The following CFAP54 variants were observed in gnomAD, a reference collection of about 807,000 sequenced individuals.
CFAP54 encodes the protein cilia- and flagella-associated protein 54.
In CFAP54, 290 loss-of-function variants were observed where a neutral mutation model predicts 370.4. That is an observed-to-expected ratio of 0.78 (90% CI 0.71 to 0.86). CFAP54 has a LOEUF of 0.86. CFAP54 is among the 40% of genes least tolerant of loss of function. The pLI, the probability that CFAP54 is intolerant of heterozygous loss-of-function variation, is 0.00. For missense variants in CFAP54, 3,399 were observed against 3,528.7 expected (o/e 0.96, Z 0.93); for synonymous variants, 1,206 against 1,236.5 (o/e 0.98, Z 0.52).
chr12:96,763,753 T>C (rs544619051), intron 58 of CFAP54, among the ~76,000 whole-genome samples: 54 of 152,334 alleles, frequency 3.5e-4, no homozygotes, highest in Non-Finnish European at 5.9e-5. Flanking sequence ...CACTCCAGCC[T>C]GTGTGACAGA....
At chr12:96,770,655 A>G (rs1342816050) in intron 60 of CFAP54, among the ~76,000 whole-genome samples, 1 of 152,258 alleles carries the variant, frequency 6.6e-6, no homozygotes, top group Non-Finnish European at 1.5e-5. Flanking sequence ...GCTATGACTC[A>G]GGAAGTGCCA....
intron 26 of CFAP54, among the ~76,000 whole-genome samples, chr12:96,602,779 C>G (rs573559867): frequency 6.6e-6 from 1 of 151,980 alleles, no homozygotes; most frequent in East Asian, 1.9e-4. Flanking sequence ...GGATTGCAAC[C>G]CCTGCTTTTT....
At chr12:96,535,634 G>C (rs1040597489) in intron 12 of CFAP54, 34 bp downstream of exon 12, 20 of 1,417,346 alleles carry the variant, frequency 1.4e-5, no homozygotes, top group Non-Finnish European at 1.8e-5. Flanking sequence ...TTTTATTAGT[G>C]TGGAAGGAGG....
At chr12:96,571,921 A>G (rs1383678888) in intron 19 of CFAP54, among the ~76,000 whole-genome samples, 1 of 152,178 alleles carries the variant, frequency 6.6e-6, no homozygotes, top group Non-Finnish European at 1.5e-5. Flanking sequence ...ATTTACCTAA[A>G]TCAAGGGCTT....
chr12:96,795,711 G>A (rs540864140), intron 63 of CFAP54, among the ~76,000 whole-genome samples: 4 of 152,072 alleles, frequency 2.6e-5, no homozygotes, highest in Admixed American at 1.3e-4. Flanking sequence ...AAGCCTCCCC[G>A]CTAAGAAAAA....
chr12:96,699,272 T>C (rs1957467420), intron 45 of CFAP54, among the ~76,000 whole-genome samples: 1 of 152,210 alleles, frequency 6.6e-6, no homozygotes, highest in Admixed American at 6.5e-5. Flanking sequence ...GGGAGTAACC[T>C]CTGGTCCTTT....
At chr12:96,777,643 C>G (rs796095806) in intron 60 of CFAP54, among the ~76,000 whole-genome samples, 11 of 152,324 alleles carry the variant, frequency 7.2e-5, no homozygotes, top group African/African-American at 2.6e-4. Flanking sequence ...GCCACTGCGC[C>G]TGGCCCATCA....
intron 14 of CFAP54, among the ~76,000 whole-genome samples, chr12:96,541,710 A>T (rs1955575492): frequency 6.6e-6 from 1 of 152,186 alleles, no homozygotes; most frequent in Non-Finnish European, 1.5e-5. Flanking sequence ...ATCATCTGAC[A>T]CAGCGCAGGA....
intron 64 of CFAP54, among the ~76,000 whole-genome samples, chr12:96,813,807 C>T (rs748073701): frequency 6.6e-6 from 1 of 152,126 alleles, no homozygotes; most frequent in Non-Finnish European, 1.5e-5. Context: ...GGAGCCCAGA[C>T]GGGATGGTAG....
intron 17 of CFAP54, among the ~76,000 whole-genome samples, chr12:96,561,017 A>C (rs773148230): frequency 6.6e-6 from 1 of 152,124 alleles, no homozygotes; most frequent in Non-Finnish European, 1.5e-5. Context: ...CTTTTTTACT[A>C]ATCTTTTAAA....
chr12:96,697,684 A>G (rs1392754410), intron 45 of CFAP54, among the ~76,000 whole-genome samples: 1 of 152,072 alleles, frequency 6.6e-6, no homozygotes, highest in Non-Finnish European at 1.5e-5. Context: ...TTCTTTTCCT[A>G]TGTTATGTAT....
intron 66 of CFAP54, among the ~76,000 whole-genome samples, chr12:96,835,821 C>G (rs2078114638): frequency 6.6e-6 from 1 of 152,276 alleles, no homozygotes; most frequent in African/African-American, 2.4e-5. Context: ...GGGGCTCCCA[C>G]TAGCTCCATG....
intron 1 of CFAP54, among the ~76,000 whole-genome samples, chr12:96,492,453 C>A (rs1412738210): frequency 2.0e-5 from 3 of 152,180 alleles, no homozygotes; most frequent in Admixed American, 1.3e-4. Context: ...AATCTGGCTC[C>A]TTTTTTCAGG....
chr12:96,638,205 ATG>A (rs756775917), intron 32 of CFAP54, among the ~76,000 whole-genome samples: 3,217 of 122,430 alleles, frequency 0.026, 96 homozygotes, highest in African/African-American at 0.068. Context: ...ATATATATGC[ATG>A]TGTGTGTGTG....
chr12:96,644,479 C>A, intron 33 of CFAP54, 71 bp downstream of exon 33: 1 of 1,083,542 alleles, frequency 9.2e-7, no homozygotes, highest in Non-Finnish European at 1.3e-6. Flanking sequence ...ATGTTCAGAG[C>A]TCCAATGGTG....
chr12:96,697,813 T>TA (rs1957452120), intron 45 of CFAP54, among the ~76,000 whole-genome samples: 1 of 152,208 alleles, frequency 6.6e-6, no homozygotes, highest in Non-Finnish European at 1.5e-5. Flanking sequence ...CTGTCCTGTT[T>TA]AAAACTCTCC....
At chr12:96,826,005 A>G (rs1176612540) in intron 65 of CFAP54, among the ~76,000 whole-genome samples, 4 of 144,198 alleles carry the variant, frequency 2.8e-5, no homozygotes, top group African/African-American at 1.0e-4. Flanking sequence ...ATAACAATAT[A>G]TTAATATAGA....
chr12:96,610,583 G>A (rs1956347637), intron 26 of CFAP54, among the ~76,000 whole-genome samples: 1 of 152,194 alleles, frequency 6.6e-6, no homozygotes, highest in Non-Finnish European at 1.5e-5. Context: ...CCGAAGCAGG[G>A]TGAGGCATTG....
At chr12:96,548,095 G>A in intron 15 of CFAP54, 117 bp downstream of exon 15, 1 of 503,374 alleles carries the variant, frequency 2.0e-6, no homozygotes, top group East Asian at 3.4e-5. Flanking sequence ...TTTAAAATTT[G>A]AGGATTATAT....
Sources: gnomAD v4.1 joint callset for allele counts (sites outside exome capture counted in the v4.1 genomes callset) on GRCh38, gnomAD v4.1.1 for gene constraint, MANE v1.5 for transcripts, NCBI Gene and HGNC (gene_info 2026-07-23, HGNC 2026-07-21) for gene names.